Variants in GSAP observed in about 807,000 individuals in gnomAD.
The protein encoded by GSAP is gamma-secretase activating protein.
In GSAP, 118 loss-of-function variants were observed where a neutral mutation model predicts 131.7. The ratio of observed to expected loss-of-function variants is 0.90; its 90% confidence interval spans 0.77 to 1.04. GSAP has a LOEUF of 1.04. Among genes scored for constraint, GSAP ranks in the 50% least tolerant of loss-of-function variants. GSAP has a pLI of 0.00. For missense variants in GSAP, 1,019 were observed against 1,013.2 expected (o/e 1.01, Z -0.08); for synonymous variants, 381 against 363.4 (o/e 1.05, Z -0.55).
In GSAP at chr7:77,362,653, C is replaced by T. The variant is rs981508023; in HGVS notation, c.879G>A (p.Leu293=). ...CACACTTCGGGCTGTAACATACACA[C>T]AAACTTCCTAGAAGAAAAAGGATAT... ...LCVFTNHTGS[L]CVCYSPKCAS... The change falls in exon 13 of 31, where the codon TTG becomes TTA. Residue 293 remains leucine, a synonymous_variant. Coordinates refer to ENST00000257626, the MANE Select transcript of GSAP (RefSeq NM_017439.4). 15 of 1,558,270 alleles carry T rather than the reference C, an allele frequency of 9.6e-6. No individual in the cohort carries two copies. In the African/African-American group the frequency reaches 1.8e-4, roughly 18 times the overall value.
chr7:77,352,750 T>A (rs573148371), intron 18 of GSAP, among the ~76,000 whole-genome samples, 194 bp downstream of exon 18: 8 of 152,140 alleles, frequency 5.3e-5, no homozygotes, highest in Admixed American at 2.6e-4. Context: ...GTTTTACTGT[T>A]TTTATACAAA....
chr7:77,328,140 C>G, intron 22 of GSAP: 1 of 870,646 alleles, frequency 1.1e-6, no homozygotes, highest in Non-Finnish European at 1.4e-6. Context: ...AGCCTGTGCT[C>G]TTTCCCCCAG....
intron 8 of GSAP, 49 bp downstream of exon 8, chr7:77,381,256 T>C: frequency 1.0e-6 from 1 of 1,002,972 alleles, no homozygotes; most frequent in South Asian, 1.5e-5. Flanking sequence ...ATGTACTTCT[T>C]TGTGGGGAAA....
intron 5 of GSAP, among the ~76,000 whole-genome samples, chr7:77,391,141 A>C (rs1164780546): frequency 2.7e-5 from 4 of 149,112 alleles, no homozygotes; most frequent in African/African-American, 7.4e-5. Flanking sequence ...AAAAAAAAAA[A>C]AAAAAAGAAA....
At chr7:77,364,045 T>TA (rs556208187) in intron 12 of GSAP, among the ~76,000 whole-genome samples, 27 of 151,872 alleles carry the variant, frequency 1.8e-4, no homozygotes, top group African/African-American at 4.4e-4. Flanking sequence ...TGAAATTGCT[T>TA]AAAAAAAAGA....
At chr7:77,312,287 G>A (rs1478009508) in intron 28 of GSAP, 85 bp from the exon 29 acceptor site, 3 of 665,990 alleles carry the variant, frequency 4.5e-6, no homozygotes, top group East Asian at 2.8e-5. Context: ...AATTTTAAAA[G>A]TATTATTCCA....
intron 13 of GSAP, 41 bp from the exon 14 acceptor site, chr7:77,360,942 G>A (rs775165076): frequency 8.8e-7 from 1 of 1,138,424 alleles, no homozygotes; most frequent in Non-Finnish European, 1.3e-6. Context: ...GTTAAACAAA[G>A]AACTGGAACT....
At chr7:77,317,689 C>T (rs562272516) in intron 26 of GSAP, among the ~76,000 whole-genome samples, 20 of 152,212 alleles carry the variant, frequency 1.3e-4, no homozygotes, top group African/African-American at 3.9e-4. Context: ...GATCTCCAGG[C>T]GTAACAATGT....
chr7:77,323,549 T>C (rs12155404), intron 24 of GSAP, 98 bp downstream of exon 24: 43,891 of 575,102 alleles, frequency 0.076, 1,938 homozygotes, highest in Middle Eastern at 0.1. Flanking sequence ...AAAATCTAAT[T>C]TGAAAAACAC....
At chr7:77,338,243 T>C (rs538373028) in intron 19 of GSAP, among the ~76,000 whole-genome samples, 23 of 152,322 alleles carry the variant, frequency 1.5e-4, no homozygotes, top group African/African-American at 5.1e-4. Context: ...AAAGTTGCCG[T>C]TTCCCTAGAG....
At chr7:77,356,585 C>T (rs1563016081) in intron 14 of GSAP, among the ~76,000 whole-genome samples, 1 of 152,166 alleles carries the variant, frequency 6.6e-6, no homozygotes, top group East Asian at 1.9e-4. Flanking sequence ...GCATATCAAG[C>T]TGACTAGAAT....
intron 20 of GSAP, chr7:77,329,872 C>T (rs1788839549): frequency 5.9e-6 from 1 of 170,046 alleles, no homozygotes; most frequent in Non-Finnish European, 1.3e-5. Context: ...TGAGTCACGT[C>T]CACTATTCTC....
intron 5 of GSAP, among the ~76,000 whole-genome samples, chr7:77,391,912 T>C (rs935969457): frequency 6.6e-6 from 1 of 152,152 alleles, no homozygotes; most frequent in Non-Finnish European, 1.5e-5. Flanking sequence ...AATCCCATTA[T>C]TCTATGAGGT....
chr7:77,318,722 A>G (rs1247908821), intron 26 of GSAP, among the ~76,000 whole-genome samples: 1 of 152,166 alleles, frequency 6.6e-6, no homozygotes, highest in Admixed American at 6.5e-5. Flanking sequence ...ATGCATTAGA[A>G]AGTTAAACAT....
Position 77,330,577 on chromosome 7 carries a change from T to TG in GSAP, c.1546-211_1546-210insC, listed in dbSNP as rs1351435065. On this transcript the variant is annotated intron_variant, in intron 19 of 30. Coordinates refer to ENST00000257626, the MANE Select transcript of GSAP (RefSeq NM_017439.4). ...TACCCACTTCATTTTCTGTCTCTTT[T>TG]TTTTTTTTTTTTTTTTGTCGTTGTT... is the stretch of plus-strand genomic sequence containing the variant. 6.9e-3 allele frequency: 6,732 copies of TG among 976,036 alleles called. 1 individual carries two copies. Among genetic ancestry groups the TG allele is most frequent in the East Asian group, 0.043 (639 of 14,950 alleles). 60.5% of individuals were successfully genotyped at this position (976,036 alleles called of 1,614,324 possible).
chr7:77,353,234 T>C (rs145883408), intron 17 of GSAP, among the ~76,000 whole-genome samples: 1 of 152,046 alleles, frequency 6.6e-6, no homozygotes, highest in Non-Finnish European at 1.5e-5. Context: ...TAGTACCATA[T>C]CTACCCAAAT....
intron 8 of GSAP, among the ~76,000 whole-genome samples, chr7:77,380,663 T>A (rs541957878): frequency 6.6e-6 from 1 of 151,192 alleles, no homozygotes; most frequent in South Asian, 2.1e-4. Context: ...TTAGTATTAG[T>A]GTGGAAAAAA....
intron 2 of GSAP, among the ~76,000 whole-genome samples, chr7:77,405,440 T>C (rs979262259): frequency 3.3e-5 from 5 of 152,272 alleles, no homozygotes; most frequent in Non-Finnish European, 7.3e-5. Flanking sequence ...ATTTTTTGTC[T>C]AGAAAATGAA....
chr7:77,322,108 A>G (rs965424346), intron 24 of GSAP, among the ~76,000 whole-genome samples: 3 of 152,244 alleles, frequency 2.0e-5, no homozygotes, highest in Non-Finnish European at 2.9e-5. Flanking sequence ...TGTGTGGGCT[A>G]AAAACGGGGC....
Sources: allele counts gnomAD v4.1 joint callset (sites outside exome capture counted in the v4.1 genomes callset), GRCh38; gene constraint gnomAD v4.1.1; transcripts MANE v1.5; gene names NCBI Gene and HGNC (gene_info 2026-07-23, HGNC 2026-07-21).